Variants in PDZRN3 observed in about 807,000 individuals in gnomAD.
PDZRN3 encodes E3 ubiquitin-protein ligase PDZRN3.
Under a neutral mutation model 85.7 loss-of-function variants are expected in PDZRN3, and 38 were observed. That is an observed-to-expected ratio of 0.44 (90% CI 0.34 to 0.58). The LOEUF is 0.58. Ranked by LOEUF, PDZRN3 falls within the 20% of genes least tolerant of loss-of-function variation. The pLI, the probability that PDZRN3 is intolerant of heterozygous loss-of-function variation, is 0.01. For missense variants in PDZRN3, 1,629 were observed against 1,506.4 expected (o/e 1.08, Z -1.35); for synonymous variants, 759 against 638.0 (o/e 1.19, Z -2.86).
chr3:73,462,024 C>A (rs1057275004), intron 3 of PDZRN3, among the ~76,000 whole-genome samples: 1 of 152,180 alleles, frequency 6.6e-6, no homozygotes, highest in African/African-American at 2.4e-5. Flanking sequence ...AAAATTAGAT[C>A]ATCTCTCATG....
At chr3:73,433,645 A>G in intron 3 of PDZRN3, 1 of 1,533,914 alleles carries the variant, frequency 6.5e-7, no homozygotes, top group Non-Finnish European at 8.7e-7. Context: ...TTACCTGACA[A>G]ACTTCATAGA....
chr3:73,416,362 C>T (rs1159436778), intron 3 of PDZRN3, among the ~76,000 whole-genome samples: 2 of 151,950 alleles, frequency 1.3e-5, no homozygotes, highest in African/African-American at 4.8e-5. Flanking sequence ...ATTTCAAAAG[C>T]TTGAAATAAA....
intron 2 of PDZRN3, among the ~76,000 whole-genome samples, chr3:73,605,355 TA>T (rs776861933): frequency 3.3e-5 from 5 of 152,066 alleles, no homozygotes; most frequent in Non-Finnish European, 7.4e-5. Flanking sequence ...CTGCCTTGAG[TA>T]AGAGAGAAAT....
At position 73,609,109 on chromosome 3, in the gene PDZRN3, G is replaced by A. The variant is rs1299697680; in HGVS notation, c.724-425C>T. Among the ~76,000 whole-genome samples, 3 of 152,042 alleles carry A rather than the reference G, an allele frequency of 2.0e-5. 1 individual carries two copies. The highest frequency in any genetic ancestry group is 2.0e-4 in the Admixed American group (3 of 15,234). ...GAAAGGTTCAAATAGCAATTCTTTC[G>A]GAAGTGTGAGTGCATGCATGGCCCA... On this transcript the variant is annotated intron_variant, in intron 1 of 9. Coordinates refer to ENST00000263666, the MANE Select transcript of PDZRN3 (RefSeq NM_015009.3).
chr3:73,592,252 C>T (rs1241294398), intron 3 of PDZRN3, among the ~76,000 whole-genome samples: 1 of 152,132 alleles, frequency 6.6e-6, no homozygotes, highest in African/African-American at 2.4e-5. Flanking sequence ...ACAAAAAAAA[C>T]CTGTCTTTTT....
chr3:73,593,709 TACACACACACACACAC>T (rs57922621), intron 3 of PDZRN3, among the ~76,000 whole-genome samples: 31 of 141,932 alleles, frequency 2.2e-4, no homozygotes, highest in Middle Eastern at 3.6e-3. Flanking sequence ...GAAATAAATA[TACACACACACACACAC>T]ACACACACAC....
chr3:73,609,237 G>C (rs1702647594), intron 1 of PDZRN3, among the ~76,000 whole-genome samples: 1 of 152,132 alleles, frequency 6.6e-6, no homozygotes, highest in Admixed American at 6.5e-5. Context: ...TACTGAAAAG[G>C]GGGAGGGGGC....
chr3:73,584,455 GTGTGTGTGTGT>G (rs1702248736), intron 3 of PDZRN3, among the ~76,000 whole-genome samples: 13 of 47,924 alleles, frequency 2.7e-4, no homozygotes, highest in African/African-American at 9.0e-4. Context: ...ATTTAATGGT[GTGTGTGTGTGT>G]GTGTGTGTGT....
intron 3 of PDZRN3, among the ~76,000 whole-genome samples, chr3:73,413,564 G>T (rs1367627439): frequency 6.6e-6 from 1 of 152,164 alleles, no homozygotes; most frequent in African/African-American, 2.4e-5. Context: ...TGCAGCTTAT[G>T]AAAGTAGAAA....
chr3:73,404,217 T>C lies in PDZRN3; in HGVS notation c.1097A>G (p.His366Arg), dbSNP rs773311176. 3.0e-5 allele frequency: 48 copies of C among 1,613,992 alleles called. No homozygotes were observed. The Middle Eastern group carries it at 6.6e-4, about 22-fold the overall frequency. ...TGTQTDITFE[H>R]IMALTKMSSP... is the part of the protein sequence containing the mutation. ...GGACATCTTAGTGAGGGCCATGATATGTTCAAAGGTGATGTCGGTTTGGGT... is the reference window on the plus strand; with the variant it reads ...GGACATCTTAGTGAGGGCCATGATACGTTCAAAGGTGATGTCGGTTTGGGT... Residue 366 changes from histidine (H) to arginine (R), a missense_variant, in exon 4 of 10, where the codon CAT becomes CGT. By Grantham distance (29) the His-to-Arg change is conservative. Transcript: ENST00000263666.
At chr3:73,389,458 G>A (rs1050118754) in intron 7 of PDZRN3, among the ~76,000 whole-genome samples, 5 of 152,170 alleles carry the variant, frequency 3.3e-5, no homozygotes, top group Admixed American at 3.3e-4. Context: ...AATCTAAAAC[G>A]AGAATTATTT....
intron 3 of PDZRN3, among the ~76,000 whole-genome samples, chr3:73,555,603 T>C (rs944480236): frequency 1.3e-5 from 2 of 152,194 alleles, no homozygotes; most frequent in African/African-American, 4.8e-5. Flanking sequence ...TCCACATTGC[T>C]TGAGTCTCAA....
At chr3:73,543,950 T>G (rs78679900) in intron 3 of PDZRN3, among the ~76,000 whole-genome samples, 1 of 152,242 alleles carries the variant, frequency 6.6e-6, no homozygotes, top group Admixed American at 6.5e-5. Context: ...GGTGTGGTGG[T>G]TGACGCTTCT....
At chr3:73,570,435 A>G (rs1240595687) in intron 3 of PDZRN3, among the ~76,000 whole-genome samples, 2 of 152,188 alleles carry the variant, frequency 1.3e-5, no homozygotes, top group Admixed American at 1.3e-4. Context: ...CACTTCTTGA[A>G]TTGATTTTTG....
Position 73,557,981 on chromosome 3 carries a change from T to C in PDZRN3, c.918+44373A>G, listed in dbSNP as rs574371959. Among the ~76,000 whole-genome samples, 45 of 152,232 alleles carry C rather than the reference T, an allele frequency of 3.0e-4. No homozygotes were observed. In the Middle Eastern group the frequency reaches 0.01, roughly 35 times the overall value. ...AAATCTTAAGTGATTATCTTTGGGG[T>C]ATAGAATTTCACTTTGTCACATATT... On this transcript the variant is annotated intron_variant, in intron 3 of 9. Coordinates refer to ENST00000263666, the MANE Select transcript of PDZRN3 (RefSeq NM_015009.3).
At chr3:73,432,476 G>C (rs1174682403) in intron 3 of PDZRN3, among the ~76,000 whole-genome samples, 1 of 152,166 alleles carries the variant, frequency 6.6e-6, no homozygotes, top group African/African-American at 2.4e-5. Flanking sequence ...CAAAAGGTTT[G>C]TTTTGACCCT....
At chr3:73,481,679 AC>A (rs1184846792) in intron 3 of PDZRN3, among the ~76,000 whole-genome samples, 1 of 152,216 alleles carries the variant, frequency 6.6e-6, no homozygotes, top group African/African-American at 2.4e-5. Context: ...ACACAGAGAT[AC>A]CCATTGAGTT....
intron 3 of PDZRN3, among the ~76,000 whole-genome samples, chr3:73,412,196 G>A (rs1366061577): frequency 6.6e-6 from 1 of 152,178 alleles, no homozygotes; most frequent in East Asian, 1.9e-4. Flanking sequence ...GGAGGAAGGT[G>A]TGGTTAGGTT....
chr3:73,428,513 C>A (rs567409742), intron 3 of PDZRN3, among the ~76,000 whole-genome samples: 1 of 152,174 alleles, frequency 6.6e-6, no homozygotes, highest in South Asian at 2.1e-4. Flanking sequence ...CATGGGAGGC[C>A]AAATTAACAT....
Sources: gnomAD v4.1 joint callset for allele counts (sites outside exome capture counted in the v4.1 genomes callset) on GRCh38, gnomAD v4.1.1 for gene constraint, MANE v1.5 for transcripts, NCBI Gene and HGNC (gene_info 2026-07-23, HGNC 2026-07-21) for gene names.